USPL1: variants seen among roughly 807,000 people sequenced by gnomAD.
USPL1 encodes the protein ubiquitin specific peptidase like 1.
In USPL1, 27 loss-of-function variants were observed where a neutral mutation model predicts 51.5. That is an observed-to-expected ratio of 0.52 (90% confidence interval 0.39 to 0.72). The LOEUF is 0.72. Among genes scored for constraint, USPL1 ranks in the 30% least tolerant of loss-of-function variants. The pLI is 0.00. For missense variants in USPL1, 1,226 were observed against 1,268.0 expected (o/e 0.97, Z 0.50); for synonymous variants, 451 against 459.6 (o/e 0.98, Z 0.24).
chr13:30,654,441 C>T (rs914996579), intron 8 of USPL1, among the ~76,000 whole-genome samples: 1 of 151,768 alleles, frequency 6.6e-6, no homozygotes, highest in African/African-American at 2.4e-5. Flanking sequence ...CTATATTGCC[C>T]AGGCTGTTCT....
chr13:30,655,903 G>C (rs770610999), intron 8 of USPL1, among the ~76,000 whole-genome samples: 4 of 152,166 alleles, frequency 2.6e-5, no homozygotes, highest in Non-Finnish European at 5.9e-5. Context: ...AGTAAGCTAC[G>C]TATTTGCTGT....
At chr13:30,652,655 C>G (rs1186446367) in intron 7 of USPL1, among the ~76,000 whole-genome samples, 1 of 152,088 alleles carries the variant, frequency 6.6e-6, no homozygotes, top group Admixed American at 6.5e-5. Context: ...TTGACAGGCC[C>G]CCTTTGCTTC....
chr13:30,645,346 G>A (rs566619801), intron 6 of USPL1, among the ~76,000 whole-genome samples: 2 of 152,290 alleles, frequency 1.3e-5, no homozygotes, highest in East Asian at 1.9e-4. Flanking sequence ...GATAATACAC[G>A]AACACATAAT....
chr13:30,628,536 CT>C (rs1348397889), intron 3 of USPL1, among the ~76,000 whole-genome samples: 11 of 152,204 alleles, frequency 7.2e-5, no homozygotes, highest in Non-Finnish European at 1.2e-4. Context: ...TATCCCTCCC[CT>C]AGCCCCCTAC....
intron 4 of USPL1, among the ~76,000 whole-genome samples, 182 bp downstream of exon 4, chr13:30,631,656 A>G (rs1010207841): frequency 1.3e-5 from 2 of 152,084 alleles, no homozygotes; most frequent in African/African-American, 4.8e-5. Flanking sequence ...GTGCACCACC[A>G]TAGCCAGCTA....
chr13:30,637,197 A>G (rs1232034397), intron 4 of USPL1, among the ~76,000 whole-genome samples: 1 of 152,202 alleles, frequency 6.6e-6, no homozygotes, highest in Non-Finnish European at 1.5e-5. Flanking sequence ...GTGTAGACAA[A>G]GCAGGATGTG....
At chr13:30,655,873 A>G (rs1197317934) in intron 8 of USPL1, among the ~76,000 whole-genome samples, 4 of 152,232 alleles carry the variant, frequency 2.6e-5, no homozygotes, top group Non-Finnish European at 5.9e-5. Context: ...AATTTATCAC[A>G]TTTGGTTTCA....
At chr13:30,653,007 C>T (rs983013467) in intron 7 of USPL1, 141 bp from the exon 8 acceptor site, 5 of 715,836 alleles carry the variant, frequency 7.0e-6, no homozygotes, top group Non-Finnish European at 9.0e-6. Flanking sequence ...AATTAAGGCA[C>T]ACATCTGGAG....
intron 8 of USPL1, among the ~76,000 whole-genome samples, chr13:30,654,142 T>G (rs1426248706): frequency 6.6e-6 from 1 of 152,204 alleles, no homozygotes; most frequent in Non-Finnish European, 1.5e-5. Flanking sequence ...TTTTTGCATT[T>G]CAAAGAATGA....
rs571118065 is a variant in USPL1, at chr13:30,659,139, G to C, written c.3062G>C (p.Arg1021Thr). Residue 1021 changes from arginine to threonine, a missense_variant, in exon 9 of 9, where the codon AGA becomes ACA. Arg to Thr is a moderately conservative substitution (Grantham distance 71). Coordinates refer to ENST00000255304, the MANE Select transcript of USPL1 (RefSeq NM_005800.5). ...FNDVSQNTHL[R>T]QDHNYCSPTK... is the part of the protein sequence containing the mutation. ...GATGTTTCCCAGAACACACATCTGA[G>C]ACAGGACCATAATTATTGTAGCCCC... The C allele has an allele frequency of 1.4e-5, 23 of 1,614,116 alleles. No homozygotes were observed. Among genetic ancestry groups the C allele is most frequent in the Admixed American group, 5.0e-5 (3 of 60,014 alleles).
In USPL1 at chr13:30,659,176, T is replaced by C. The variant is rs1047565736; in HGVS notation, c.3099T>C (p.Asn1033=). 25 of 1,613,738 alleles carry C rather than the reference T, an allele frequency of 1.5e-5. No individual in the cohort carries two copies. Among genetic ancestry groups the C allele is most frequent in the African/African-American group, 4.0e-5 (3 of 74,780 alleles). ...DHNYCSPTKK[N]PCEVQPDSLT... is the part of the protein sequence containing the mutation. ...ATTATTGTAGCCCCACCAAGAAAAA[T>C]CCATGTGAAGTTCAGCCAGACTCTC... Residue 1033 remains asparagine, a synonymous_variant, in exon 9 of 9, where the codon AAT becomes AAC. Transcript: ENST00000255304.
intron 7 of USPL1, among the ~76,000 whole-genome samples, chr13:30,650,717 G>A (rs1330503610): frequency 4.6e-5 from 7 of 152,076 alleles, no homozygotes; most frequent in Admixed American, 2.0e-4. Context: ...AGTTTCGGCC[G>A]GGCATAGTGG....
intron 5 of USPL1, among the ~76,000 whole-genome samples, chr13:30,639,983 G>A (rs1408592476): frequency 6.6e-6 from 1 of 152,152 alleles, no homozygotes; most frequent in East Asian, 1.9e-4. Flanking sequence ...TTAAATTATT[G>A]TTTTGTGTAA....
In USPL1 at chr13:30,658,379, GCTT is replaced by G; in HGVS notation, c.2306_2308del (p.Ser769del). 6.2e-7 allele frequency: 1 copy of G among 1,613,626 alleles called. No individual in the cohort carries two copies. ...GGTTAAAGGCTTAATAAGCAGGGGT[GCTT>G]CTTTTATGCCACTCTGTGTTTCAGC... On this transcript the variant is annotated inframe_deletion, in exon 9 of 9. Coordinates refer to ENST00000255304, the MANE Select transcript of USPL1 (RefSeq NM_005800.5).
chr13:30,657,534 A>G lies in USPL1; in HGVS notation c.1457A>G (p.Glu486Gly). 6.2e-7 allele frequency: 1 copy of G among 1,612,844 alleles called. No homozygotes were observed. The highest frequency in any genetic ancestry group is 1.1e-5 in the South Asian group (1 of 90,786). The change falls in exon 9 of 9, where the codon GAA (glutamate) becomes GGA (glycine). Residue 486 changes from glutamate (E) to glycine (G), a missense_variant. Physicochemically the swap from Glu to Gly is moderately conservative, Grantham distance 98 (BLOSUM62 -2). Transcript: ENST00000255304. ...GPCSERHKKF[E>G]VPASEIHIVI... ...TGTTCTGAAAGGCACAAGAAATTTG[A>G]AGTTCCTGCTTCAGAGATACATATT...
chr13:30,642,600 G>A, intron 5 of USPL1, 28 bp from the exon 6 acceptor site: 1 of 1,594,126 alleles, frequency 6.3e-7, no homozygotes, highest in Non-Finnish European at 8.5e-7. Context: ...TTGATTATGA[G>A]CAGTAATTCT....
chr13:30,659,330 G>T lies in USPL1; in HGVS notation c.3253G>T (p.Asp1085Tyr), dbSNP rs377641739. 1.9e-6 allele frequency: 3 copies of T among 1,598,694 alleles called. No individual in the cohort carries two copies. The African/African-American group carries it at 4.0e-5, about 22-fold the overall frequency. The change falls in exon 9 of 9, where the codon GAT becomes TAT. Residue 1085 changes from aspartate (D) to tyrosine (Y), a missense_variant. Transcript: ENST00000255304. The stretch of plus-strand genomic sequence containing the variant: ...TGACACATTAGACCTACCTCATTTC[G>T]ATGAATATCTGTTTGAGAATTATTG... ...ANDTLDLPHF[D>Y]EYLFENY
chr13:30,635,752 C>G (rs546119623), intron 4 of USPL1, among the ~76,000 whole-genome samples: 48 of 152,270 alleles, frequency 3.2e-4, no homozygotes, highest in Non-Finnish European at 6.5e-4. Flanking sequence ...TCTTATACAT[C>G]GTTTCCCTCT....
intron 3 of USPL1, among the ~76,000 whole-genome samples, chr13:30,629,783 A>G (rs951736427): frequency 3.3e-5 from 5 of 152,124 alleles, no homozygotes; most frequent in Admixed American, 1.3e-4. Context: ...TCAGGCCTCT[A>G]TGTATATCAT....
Sources: gnomAD v4.1 joint callset for allele counts (sites outside exome capture counted in the v4.1 genomes callset) on GRCh38, gnomAD v4.1.1 for gene constraint, MANE v1.5 for transcripts, NCBI Gene and HGNC (gene_info 2026-07-23, HGNC 2026-07-21) for gene names.